The following TMEM268 variants were observed in gnomAD, a reference collection of about 807,000 sequenced individuals.
The protein encoded by TMEM268 is transmembrane protein C9orf91.
A neutral mutation model predicts 39.1 loss-of-function variants in TMEM268; 24 were observed. The ratio of observed to expected loss-of-function variants is 0.61; its 90% CI spans 0.44 to 0.86. The LOEUF (loss-of-function observed/expected upper bound fraction) is 0.86. Among genes scored for constraint, TMEM268 ranks in the 40% least tolerant of loss-of-function variants. The probability of loss-of-function intolerance (pLI) is 0.00; values close to 1 mark genes in which losing one functional copy is unlikely to be tolerated. For missense variants in TMEM268, 409 were observed against 428.6 expected, an observed-to-expected ratio of 0.95 and a Z score of 0.40; for synonymous variants, 176 against 173.5, an observed-to-expected ratio of 1.01 and a Z score of -0.12.
chr9:114,640,172 G>A (rs1230177323), intron 8 of TMEM268, among the ~76,000 whole-genome samples: 3 of 150,782 alleles, frequency 2.0e-5, no homozygotes, highest in East Asian at 3.9e-4. Flanking sequence ...TGTGACATGC[G>A]TGTGTGGGTT....
chr9:114,610,856 C>T (rs142641906), upstream of TMEM268, among the ~76,000 whole-genome samples: 6 of 152,202 alleles, frequency 3.9e-5, no homozygotes, highest in Non-Finnish European at 7.3e-5. Flanking sequence ...AGTGGAGAGA[C>T]CCGAATCACA....
chr9:114,625,497 T>C (rs1394579978), intron 3 of TMEM268, among the ~76,000 whole-genome samples: 1 of 149,268 alleles, frequency 6.7e-6, no homozygotes, highest in African/African-American at 2.5e-5. Context: ...CAGGCTGGAG[T>C]GCAGTGGCGC....
chr9:114,613,641 T>G (rs1845591789), intron 1 of TMEM268, among the ~76,000 whole-genome samples: 1 of 152,148 alleles, frequency 6.6e-6, no homozygotes, highest in African/African-American at 2.4e-5. Context: ...GTGGGCCAGG[T>G]GAGGAGGAGA....
intron 8 of TMEM268, 53 bp from the exon 9 acceptor site, chr9:114,643,081 T>C: frequency 6.3e-7 from 1 of 1,596,828 alleles, no homozygotes; most frequent in African/African-American, 1.3e-5. Flanking sequence ...CTAAGCCCTT[T>C]TTCCTCAAGG....
rs78484014 is a variant in TMEM268, at chr9:114,620,775, G to A, written c.106+3474G>A. 4.8e-3 allele frequency among the ~76,000 whole-genome samples: 725 copies of A among 152,136 alleles called. 10 individuals are homozygous for A. The highest frequency in any genetic ancestry group is 0.016 in the African/African-American group (649 of 41,516). On this transcript the variant is annotated intron_variant, in intron 2 of 8. Coordinates refer to ENST00000288502, the MANE Select transcript of TMEM268 (RefSeq NM_153045.4). ...AAAGTCCTTTGCAGTGGATGTGTACGTCCTCTAAGCAAGGAAACAGGCCCA... is the reference window on the plus strand; with the variant it reads ...AAAGTCCTTTGCAGTGGATGTGTACATCCTCTAAGCAAGGAAACAGGCCCA...
the TMEM268 span, among the ~76,000 whole-genome samples, chr9:114,604,033 A>G: frequency 4.7e-5 from 7 of 149,042 alleles, no homozygotes; most frequent in East Asian, 1.2e-3. Context: ...TTTTTATGGG[A>G]TATGAGACTG....
At position 114,637,084 on chromosome 9, in the gene TMEM268, A is replaced by G. The variant is rs1564300165; in HGVS notation, c.666+14A>G. 8 of 1,572,056 alleles carry G rather than the reference A, an allele frequency of 5.1e-6. No individual in the cohort carries two copies. Among genetic ancestry groups the G allele is most frequent in the Middle Eastern group, 1.7e-4 (1 of 5,968 alleles). On this transcript the variant is annotated intron_variant, in intron 7 of 8. Coordinates refer to ENST00000288502, the MANE Select transcript of TMEM268 (RefSeq NM_153045.4). The stretch of plus-strand genomic sequence containing the variant: ...ACTAGCCAAGAGGTAAGATATCTTC[A>G]GTGAAAAAACAAAACAAAAACCAGG...
chr9:114,633,513 G>A (rs577557531), intron 5 of TMEM268, among the ~76,000 whole-genome samples: 2 of 152,150 alleles, frequency 1.3e-5, no homozygotes, highest in East Asian at 3.9e-4. Flanking sequence ...TCGCTACATT[G>A]TCCAGGCTGG....
chr9:114,627,204 G>A (rs571561410), intron 4 of TMEM268, among the ~76,000 whole-genome samples, 198 bp downstream of exon 4: 15 of 152,276 alleles, frequency 9.9e-5, no homozygotes, highest in East Asian at 3.9e-4. Context: ...TAACCAGGTC[G>A]TTGCATAAAG....
At chr9:114,624,127 TG>T in intron 2 of TMEM268, 1 of 849,414 alleles carries the variant, frequency 1.2e-6, no homozygotes, top group Non-Finnish European at 1.6e-6. Flanking sequence ...TCTCACATTG[TG>T]GTCCTAGGAG....
chr9:114,628,243 A>G lies in TMEM268; in HGVS notation c.467A>G (p.Gln156Arg). 6.2e-7 allele frequency: 1 copy of G among 1,613,996 alleles called. No homozygotes were observed. The highest frequency in any genetic ancestry group is 8.5e-7 in the Non-Finnish European group (1 of 1,179,944). The change falls in exon 5 of 9, where the codon CAG becomes CGG. Residue 156 changes from glutamine to arginine, a missense_variant. Coordinates refer to ENST00000288502, the MANE Select transcript of TMEM268 (RefSeq NM_153045.4). ...CTTGTGCTGGTCTTTGAAAGACACC[A>G]GAAGAAGGTGAGATGTCTGGAGATC... ...LTLVLVFERH[Q>R]KKANTNTDLR...
At chr9:114,623,978 C>A (rs1402575691) in intron 2 of TMEM268, among the ~76,000 whole-genome samples, 1 of 152,248 alleles carries the variant, frequency 6.6e-6, no homozygotes. Flanking sequence ...TAAAGGTCCA[C>A]TGCATCACCC....
chr9:114,628,450 T>G (rs1457211520), intron 5 of TMEM268, among the ~76,000 whole-genome samples, 200 bp downstream of exon 5: 2 of 152,226 alleles, frequency 1.3e-5, no homozygotes, highest in Non-Finnish European at 2.9e-5. Context: ...CCCTGTGGAT[T>G]GTTTTTCTGG....
chr9:114,610,037 T>C (rs1161509942), upstream of TMEM268, among the ~76,000 whole-genome samples: 1 of 149,810 alleles, frequency 6.7e-6, no homozygotes, highest in Non-Finnish European at 1.5e-5. Flanking sequence ...ATCGCGGTTT[T>C]TGCAATTTTT....
Position 114,643,248 on chromosome 9 carries a change from T to C in TMEM268, c.964T>C (p.Cys322Arg), listed in dbSNP as rs1359546289. 1.2e-6 allele frequency: 2 copies of C among 1,614,144 alleles called. No homozygotes were observed. Among genetic ancestry groups the C allele is most frequent in the Non-Finnish European group, 1.7e-6 (2 of 1,179,994 alleles). ...ACACACGAACTCTCCGAGAATTCCATGCCCCTGCCAGCTCATAGAAGCCTA... is the reference window on the plus strand; with the variant it reads ...ACACACGAACTCTCCGAGAATTCCACGCCCCTGCCAGCTCATAGAAGCCTA... ...TRHTNSPRIP[C>R]PCQLIEAYIL... Residue 322 changes from cysteine to arginine, a missense_variant, in exon 9 of 9, where the codon TGC becomes CGC. Coordinates refer to ENST00000288502, the MANE Select transcript of TMEM268 (RefSeq NM_153045.4).
At chr9:114,632,563 G>A (rs937781298) in intron 5 of TMEM268, among the ~76,000 whole-genome samples, 6 of 152,108 alleles carry the variant, frequency 3.9e-5, no homozygotes, top group Non-Finnish European at 7.3e-5. Context: ...AATGCGTGGC[G>A]TCCATTGGTT....
upstream of TMEM268, among the ~76,000 whole-genome samples, chr9:114,606,237 C>A (rs1845363625): frequency 1.3e-5 from 2 of 152,098 alleles, no homozygotes; most frequent in Admixed American, 1.3e-4. Context: ...GAAACAGATC[C>A]CTGACCCCTA....
intron 5 of TMEM268, among the ~76,000 whole-genome samples, chr9:114,630,320 C>T (rs943171014): frequency 2.0e-5 from 2 of 101,312 alleles, no homozygotes; most frequent in African/African-American, 7.4e-5. Flanking sequence ...CCATCCAAGA[C>T]AGGTCTTACT....
At chr9:114,638,960 C>T (rs1326696692) in intron 8 of TMEM268, among the ~76,000 whole-genome samples, 2 of 152,104 alleles carry the variant, frequency 1.3e-5, no homozygotes, top group Non-Finnish European at 2.9e-5. Flanking sequence ...TATTTAATAT[C>T]TTGGATATTC....
Sources: allele counts gnomAD v4.1 joint callset (sites outside exome capture counted in the v4.1 genomes callset), GRCh38; gene constraint gnomAD v4.1.1; transcripts MANE v1.5; gene names NCBI Gene and HGNC (gene_info 2026-07-23, HGNC 2026-07-21).